ATP9B: variants seen among roughly 807,000 people sequenced by gnomAD.
ATP9B encodes ATPase phospholipid transporting 9B.
In ATP9B, 110 loss-of-function variants were observed where a neutral mutation model predicts 146.1. The ratio of observed to expected loss-of-function variants is 0.75; its 90% CI spans 0.65 to 0.88. ATP9B has a LOEUF of 0.88. Among genes scored for constraint, ATP9B ranks in the 40% least tolerant of loss-of-function variants. The probability of loss-of-function intolerance (pLI) is 0.00; values close to 1 mark genes in which losing one functional copy is unlikely to be tolerated. For missense variants in ATP9B, 1,499 were observed against 1,496.4 expected, an observed-to-expected ratio of 1.00 and a Z score of -0.03; for synonymous variants, 604 against 569.7, an observed-to-expected ratio of 1.06 and a Z score of -0.86.
chr18:79,094,704 A>G (rs149164307), intron 1 of ATP9B, among the ~76,000 whole-genome samples: 1 of 152,362 alleles, frequency 6.6e-6, no homozygotes, highest in East Asian at 1.9e-4. Flanking sequence ...TATTGTGGGC[A>G]ATGCAGATAG....
chr18:79,100,387 T>C (rs182986322), intron 2 of ATP9B, among the ~76,000 whole-genome samples: 55 of 152,294 alleles, frequency 3.6e-4, no homozygotes, highest in African/African-American at 1.1e-3. Context: ...GGATGTGTCT[T>C]TCTTTTGGTT....
chr18:79,270,756 A>C (rs1007097383), intron 12 of ATP9B, among the ~76,000 whole-genome samples: 3 of 152,086 alleles, frequency 2.0e-5, no homozygotes, highest in African/African-American at 7.2e-5. Context: ...ATTTTGATTC[A>C]TTCTCAACCA....
chr18:79,326,399 G>C (rs1264518211), intron 15 of ATP9B, among the ~76,000 whole-genome samples: 1 of 135,068 alleles, frequency 7.4e-6, no homozygotes. Context: ...CATGGTGTTA[G>C]GGTGTCATCT....
chr18:79,198,817 G>A (rs2095439975), intron 9 of ATP9B, among the ~76,000 whole-genome samples: 1 of 152,218 alleles, frequency 6.6e-6, no homozygotes, highest in Admixed American at 6.5e-5. Flanking sequence ...GAGTCAGTGA[G>A]TGAGTGGTGA....
At chr18:79,111,936 TTG>T (rs2076028890) in intron 3 of ATP9B, among the ~76,000 whole-genome samples, 1 of 152,178 alleles carries the variant, frequency 6.6e-6, no homozygotes, top group Admixed American at 6.5e-5. Context: ...AATTTCTAAG[TTG>T]CTAATAGATA....
chr18:79,363,385 G>GACGTAAACAGATGTTCATAGATTGAGAC (rs71161776), intron 26 of ATP9B: 1 of 150,882 alleles, frequency 6.6e-6, no homozygotes, highest in Admixed American at 6.6e-5. Flanking sequence ...TGGATTGAGA[G>GACGTAAACAGATGTTCATAGATTGAGAC]ACGTAAACAG....
intron 1 of ATP9B, among the ~76,000 whole-genome samples, chr18:79,088,660 A>G (rs1053364353): frequency 6.6e-6 from 1 of 152,188 alleles, no homozygotes; most frequent in Non-Finnish European, 1.5e-5. Flanking sequence ...CTCCTAACAC[A>G]TTTACTTTCA....
intron 12 of ATP9B, among the ~76,000 whole-genome samples, chr18:79,269,859 G>A (rs370325781): frequency 1.3e-5 from 2 of 152,198 alleles, no homozygotes; most frequent in Non-Finnish European, 2.9e-5. Flanking sequence ...ACTGGCCTGC[G>A]CCTGCTGGCC....
chr18:79,225,546 G>A (rs2095720568), intron 11 of ATP9B, among the ~76,000 whole-genome samples: 1 of 152,268 alleles, frequency 6.6e-6, no homozygotes, highest in Admixed American at 6.5e-5. Flanking sequence ...TGGCCCCGCA[G>A]TTGTAGGACG....
At chr18:79,190,146 A>C (rs1266371306) in intron 8 of ATP9B, among the ~76,000 whole-genome samples, 1 of 152,198 alleles carries the variant, frequency 6.6e-6, no homozygotes, top group Non-Finnish European at 1.5e-5. Flanking sequence ...GATCATTAGC[A>C]AGTCACTCGG....
In ATP9B at chr18:79,278,211, A is replaced by G. The variant is rs540400317; in HGVS notation, c.1411+1015A>G. On this transcript the variant is annotated intron_variant, in intron 13 of 29. Transcript: ENST00000426216. ...GTCCATAGAAGACACAGAGGCAGGA[A>G]CCTGAGGAATGAATGGAAAGGGCAC... Among the ~76,000 whole-genome samples, 10 of 152,296 alleles carry G rather than the reference A, an allele frequency of 6.6e-5. No individual in the cohort carries two copies. In the South Asian group the frequency reaches 1.7e-3, roughly 25 times the overall value.
intron 6 of ATP9B, among the ~76,000 whole-genome samples, chr18:79,153,966 T>G (rs2094731299): frequency 4.0e-5 from 6 of 149,674 alleles, no homozygotes; most frequent in Admixed American, 4.0e-4. Flanking sequence ...GCTTTTTTTT[T>G]TTTTTTTTTT....
At chr18:79,270,228 T>C (rs2096241857) in intron 12 of ATP9B, among the ~76,000 whole-genome samples, 2 of 152,248 alleles carry the variant, frequency 1.3e-5, no homozygotes, top group African/African-American at 4.8e-5. Flanking sequence ...GCATAGGTGT[T>C]CAGCCTTGCT....
intron 13 of ATP9B, among the ~76,000 whole-genome samples, chr18:79,298,427 G>A (rs2096567962): frequency 6.8e-6 from 1 of 146,400 alleles, no homozygotes; most frequent in African/African-American, 2.5e-5. Flanking sequence ...CTTGTGGGCT[G>A]CAAACTACGT....
chr18:79,187,248 C>G (rs1458137821), intron 8 of ATP9B, among the ~76,000 whole-genome samples: 1 of 152,178 alleles, frequency 6.6e-6, no homozygotes, highest in Non-Finnish European at 1.5e-5. Flanking sequence ...GTGACTGACG[C>G]ACCTTAAATC....
intron 20 of ATP9B, chr18:79,343,977 A>G (rs2147441459): frequency 2.0e-6 from 1 of 491,590 alleles, no homozygotes; most frequent in Admixed American, 3.7e-5. Context: ...CACCCTTTAC[A>G]CAAATTTCAT....
intron 10 of ATP9B, among the ~76,000 whole-genome samples, chr18:79,208,122 G>C (rs541706040): frequency 6.6e-6 from 1 of 152,272 alleles, no homozygotes; most frequent in East Asian, 1.9e-4. Context: ...GCGGGCGCCT[G>C]TAGTCCCAGC....
At chr18:79,194,317 A>G (rs182277047) in intron 9 of ATP9B, 45 of 152,336 alleles carry the variant, frequency 3.0e-4, no homozygotes, top group Admixed American at 2.8e-3. Flanking sequence ...AATTTGAAAT[A>G]TTATTTGCTT....
intron 8 of ATP9B, among the ~76,000 whole-genome samples, chr18:79,188,892 T>A (rs2095334750): frequency 6.7e-6 from 1 of 149,238 alleles, no homozygotes; most frequent in Non-Finnish European, 1.5e-5. Context: ...TTTTAGCATT[T>A]TTTTTTTTTT....
Sources: gnomAD v4.1 joint callset for allele counts (sites outside exome capture counted in the v4.1 genomes callset) on GRCh38, gnomAD v4.1.1 for gene constraint, MANE v1.5 for transcripts, NCBI Gene and HGNC (gene_info 2026-07-23, HGNC 2026-07-21) for gene names.